SMURF1: variants seen among roughly 807,000 people sequenced by gnomAD.
The protein encoded by SMURF1 is E3 ubiquitin-protein ligase SMURF1.
In SMURF1, 44 loss-of-function variants were observed where a neutral mutation model predicts 98.0. That is an observed-to-expected ratio of 0.45 (90% CI 0.35 to 0.58). The LOEUF (loss-of-function observed/expected upper bound fraction) is 0.58, where lower values mean the gene tolerates loss of function less well. Among genes scored for constraint, SMURF1 ranks in the 20% least tolerant of loss-of-function variants. The pLI, the probability that SMURF1 is intolerant of heterozygous loss-of-function variation, is 0.00. For missense variants in SMURF1, 687 were observed against 938.4 expected (o/e 0.73, Z 3.50); for synonymous variants, 396 against 374.9 (o/e 1.06, Z -0.65).
intron 1 of SMURF1, among the ~76,000 whole-genome samples, chr7:99,132,822 C>T (rs1176267487): frequency 2.0e-5 from 3 of 151,792 alleles, no homozygotes; most frequent in African/African-American, 7.3e-5. Context: ...ACAGAGGCTG[C>T]CAGAGAGGAA....
In SMURF1 at chr7:99,113,837, T is replaced by TAAAA. The variant is rs71118659; in HGVS notation, c.55+29885_55+29888dup. ...CTGGGTGACAAAGTGAGACTCCGTC[T>TAAAA]AAAAAAAAAAAAAAAAAAAAAAAAA... On this transcript the variant is annotated intron_variant, in intron 1 of 17. Coordinates refer to ENST00000361368, the MANE Select transcript of SMURF1 (RefSeq NM_181349.3). Among the ~76,000 whole-genome samples the TAAAA allele has an allele frequency of 7.4e-3, 252 of 33,980 alleles. 27 individuals carry two copies. The highest frequency in any genetic ancestry group is 0.034 in the African/African-American group (237 of 6,878). 22.3% of individuals were successfully genotyped at this position (33,980 alleles called of 152,430 possible). A position where few individuals can be genotyped will look rare whatever the true frequency, so the allele number is the denominator to read the frequency against.
intron 1 of SMURF1, among the ~76,000 whole-genome samples, chr7:99,088,054 C>T (rs185983531): frequency 2.2e-4 from 34 of 151,682 alleles, no homozygotes; most frequent in Middle Eastern, 3.4e-3. Context: ...GTCAGGAGTT[C>T]GAGACCAGCC....
chr7:99,104,174 A>G (rs945391455), intron 1 of SMURF1, among the ~76,000 whole-genome samples: 1 of 152,232 alleles, frequency 6.6e-6, no homozygotes, highest in Non-Finnish European at 1.5e-5. Flanking sequence ...GGCATGAACC[A>G]TGGTGCCCCG....
chr7:99,125,235 T>C (rs1287829468), intron 1 of SMURF1, among the ~76,000 whole-genome samples: 1 of 152,062 alleles, frequency 6.6e-6, no homozygotes, highest in African/African-American at 2.4e-5. Context: ...TGCACCACCA[T>C]GCCTGGCTAA....
chr7:99,041,754 A>G (rs765131333), intron 12 of SMURF1, among the ~76,000 whole-genome samples: 33 of 152,208 alleles, frequency 2.2e-4, no homozygotes, highest in Non-Finnish European at 4.3e-4. Flanking sequence ...CTAGTTCTGG[A>G]AAGATTCCAG....
chr7:99,126,310 C>T lies in SMURF1; in HGVS notation c.55+17416G>A, dbSNP rs1313527850. The stretch of plus-strand genomic sequence containing the variant: ...AAGCCTCATTTCAAATAATAAAGTA[C>T]TTATTTCTTCTTTATACTTTTCAAT... On this transcript the variant is annotated intron_variant, in intron 1 of 17. Transcript: ENST00000361368. Among the ~76,000 whole-genome samples, 3 of 151,022 alleles carry T rather than the reference C, an allele frequency of 2.0e-5. No individual in the cohort carries two copies. The South Asian group carries it at 6.3e-4, about 32-fold the overall frequency.
intron 1 of SMURF1, among the ~76,000 whole-genome samples, chr7:99,138,197 C>T (rs533016818): frequency 5.9e-5 from 9 of 152,198 alleles, no homozygotes; most frequent in African/African-American, 2.2e-4. Flanking sequence ...AAATAAGCAT[C>T]CTAAAAGTTA....
chr7:99,060,760 G>T, intron 2 of SMURF1, 53 bp from the exon 3 acceptor site: 1 of 1,172,808 alleles, frequency 8.5e-7, no homozygotes. Flanking sequence ...CCATCCATGT[G>T]ACACAGAACA....
chr7:99,091,676 C>G (rs1796816080), intron 1 of SMURF1, among the ~76,000 whole-genome samples: 2 of 152,154 alleles, frequency 1.3e-5, no homozygotes, highest in African/African-American at 4.8e-5. Flanking sequence ...GTTCTAGCCC[C>G]CTCTGGCTTC....
chr7:99,134,495 G>A (rs1290286260), intron 1 of SMURF1, among the ~76,000 whole-genome samples: 1 of 151,830 alleles, frequency 6.6e-6, no homozygotes, highest in Non-Finnish European at 1.5e-5. Flanking sequence ...AGTAAACTTT[G>A]GATTTTTTTT....
chr7:99,035,470 G>A (rs779741218), intron 16 of SMURF1, 45 bp downstream of exon 16: 27 of 1,603,152 alleles, frequency 1.7e-5, no homozygotes, highest in Admixed American at 8.4e-5. Flanking sequence ...TGCCCACAGC[G>A]CACATAGACG....
At chr7:99,047,623 TTGTC>T in intron 10 of SMURF1, 57 bp downstream of exon 10, 3 of 1,550,304 alleles carry the variant, frequency 1.9e-6, no homozygotes, top group Non-Finnish European at 2.7e-6. Context: ...TGAGATTCCT[TTGTC>T]TGAATTGCCT....
intron 14 of SMURF1, among the ~76,000 whole-genome samples, chr7:99,037,680 G>A (rs752205859): frequency 7.2e-5 from 11 of 152,180 alleles, no homozygotes; most frequent in African/African-American, 1.9e-4. Context: ...GACTCAGCAC[G>A]TGCCCTGATT....
intron 1 of SMURF1, among the ~76,000 whole-genome samples, chr7:99,113,657 G>A (rs923812382): frequency 2.6e-5 from 4 of 151,722 alleles, no homozygotes; most frequent in South Asian, 4.2e-4. Flanking sequence ...TGGCTAACAC[G>A]GTGAAACCCT....
intron 1 of SMURF1, among the ~76,000 whole-genome samples, chr7:99,114,622 A>C (rs75866897): frequency 0.061 from 9,316 of 152,226 alleles, 415 homozygotes; most frequent in East Asian, 0.21. Flanking sequence ...CAACAAGAAA[A>C]CAGAAGACTT....
intron 1 of SMURF1, among the ~76,000 whole-genome samples, chr7:99,063,665 G>A (rs1796120845): frequency 6.6e-6 from 1 of 151,876 alleles, no homozygotes; most frequent in Non-Finnish European, 1.5e-5. Flanking sequence ...ACTCATGGGT[G>A]GGACAACTAT....
At chr7:99,125,310 C>T (rs1018990687) in intron 1 of SMURF1, among the ~76,000 whole-genome samples, 4 of 152,128 alleles carry the variant, frequency 2.6e-5, no homozygotes, top group African/African-American at 9.7e-5. Context: ...TGGTCTTGAG[C>T]TCCTGGGTTC....
intron 1 of SMURF1, among the ~76,000 whole-genome samples, chr7:99,080,047 A>G (rs1012968838): frequency 1.3e-5 from 2 of 152,170 alleles, no homozygotes; most frequent in Non-Finnish European, 2.9e-5. Context: ...AAAAAGAAAA[A>G]AGGCACAGAT....
At chr7:99,133,716 C>T (rs1023767581) in intron 1 of SMURF1, among the ~76,000 whole-genome samples, 1 of 152,148 alleles carries the variant, frequency 6.6e-6, no homozygotes, top group African/African-American at 2.4e-5. Flanking sequence ...CCTGAAAATT[C>T]CAAACAGCAC....
Sources: allele counts gnomAD v4.1 joint callset (sites outside exome capture counted in the v4.1 genomes callset), GRCh38; gene constraint gnomAD v4.1.1; transcripts MANE v1.5; gene names NCBI Gene and HGNC (gene_info 2026-07-23, HGNC 2026-07-21).